METTL15: variants seen among roughly 807,000 people sequenced by gnomAD.
The protein encoded by METTL15 is methyltransferase 15, mitochondrial 12S rRNA N4-cytidine, also known as 12S rRNA N(4)-cytidine methyltransferase METTL15.
METTL15 carries 34 observed loss-of-function variants against 38.3 expected under a neutral mutation model. That is an observed-to-expected ratio of 0.89 (90% CI 0.68 to 1.18). The LOEUF (loss-of-function observed/expected upper bound fraction) is 1.18, where lower values mean the gene tolerates loss of function less well. Ranked by LOEUF, METTL15 falls within the 50% of genes most tolerant of loss-of-function variation. METTL15 has a pLI of 0.00. For missense variants in METTL15, 438 were observed against 498.4 expected (o/e 0.88, Z 1.15); for synonymous variants, 162 against 170.9 (o/e 0.95, Z 0.41).
intron 4 of METTL15, among the ~76,000 whole-genome samples, chr11:28,248,386 A>G (rs1854600797): frequency 6.6e-6 from 1 of 152,074 alleles, no homozygotes; most frequent in Admixed American, 6.6e-5. Context: ...CCATCTGTCT[A>G]CGATCACCAT....
intron 5 of METTL15, among the ~76,000 whole-genome samples, chr11:28,380,404 G>A (rs142913735): frequency 0.016 from 2,481 of 152,074 alleles, 67 homozygotes; most frequent in African/African-American, 0.055. Context: ...TCCTGACCTC[G>A]TGATCTGCCT....
intron 3 of METTL15, among the ~76,000 whole-genome samples, chr11:28,181,373 C>G (rs952659570): frequency 4.7e-5 from 7 of 149,558 alleles, no homozygotes; most frequent in African/African-American, 1.7e-4. Context: ...CCGTCATCTA[C>G]AATAGGTATT....
intron 4 of METTL15, among the ~76,000 whole-genome samples, chr11:28,239,565 G>C (rs1336827824): frequency 6.6e-6 from 1 of 152,134 alleles, no homozygotes; most frequent in African/African-American, 2.4e-5. Flanking sequence ...CCCAGGACAA[G>C]TTATCCTTCT....
intron 4 of METTL15, among the ~76,000 whole-genome samples, chr11:28,358,628 T>A (rs1312894901): frequency 2.0e-5 from 3 of 152,192 alleles, no homozygotes; most frequent in Non-Finnish European, 2.9e-5. Context: ...TTATGTAGTT[T>A]CATTGTAGTA....
intron 3 of METTL15, among the ~76,000 whole-genome samples, chr11:28,170,402 G>A (rs1455680807): frequency 6.6e-6 from 1 of 152,078 alleles, no homozygotes; most frequent in Non-Finnish European, 1.5e-5. Context: ...CCCCAAGAGA[G>A]GGTTCTTGGA....
intron 3 of METTL15, among the ~76,000 whole-genome samples, chr11:28,192,841 A>G (rs1331968993): frequency 6.6e-6 from 1 of 152,064 alleles, no homozygotes; most frequent in Non-Finnish European, 1.5e-5. Flanking sequence ...AGATTGAGAA[A>G]TCCCAGATTA....
chr11:28,122,667 A>C (rs1027103602), intron 3 of METTL15, among the ~76,000 whole-genome samples: 1 of 151,742 alleles, frequency 6.6e-6, no homozygotes, highest in African/African-American at 2.4e-5. Flanking sequence ...TTGAATGTAT[A>C]ACTTTTTTTT....
intron 6 of METTL15, among the ~76,000 whole-genome samples, chr11:28,481,051 A>T (rs536372754): frequency 1.1e-4 from 17 of 152,312 alleles, no homozygotes; most frequent in Admixed American, 2.6e-4. Context: ...TAGAAATGTT[A>T]TGTTTTCATA....
intron 3 of METTL15, among the ~76,000 whole-genome samples, chr11:28,187,062 A>G (rs900750627): frequency 2.2e-4 from 33 of 151,238 alleles, no homozygotes; most frequent in African/African-American, 4.8e-5. Context: ...ACCTTAAACA[A>G]ATCTTTCCTG....
chr11:28,116,774 A>T (rs1851982262), intron 3 of METTL15, among the ~76,000 whole-genome samples: 1 of 152,108 alleles, frequency 6.6e-6, no homozygotes, highest in African/African-American at 2.4e-5. Context: ...TTTTTTTTTA[A>T]ATTTTAATTG....
intron 5 of METTL15, among the ~76,000 whole-genome samples, chr11:28,362,559 C>T (rs1215596873): frequency 6.6e-6 from 1 of 152,150 alleles, no homozygotes; most frequent in Non-Finnish European, 1.5e-5. Context: ...CAATGTTTAG[C>T]TCCCACTTAT....
At chr11:28,180,330 G>A (rs572483079) in intron 3 of METTL15, among the ~76,000 whole-genome samples, 11 of 151,874 alleles carry the variant, frequency 7.2e-5, no homozygotes, top group Middle Eastern at 3.4e-3. Flanking sequence ...GAACAATCCT[G>A]GATTCAGCAG....
chr11:28,231,340 G>C (rs752433003), intron 4 of METTL15, among the ~76,000 whole-genome samples: 2 of 151,768 alleles, frequency 1.3e-5, no homozygotes, highest in Non-Finnish European at 3.0e-5. Context: ...AGAAGGAAGA[G>C]TACTCATTAC....
intron 4 of METTL15, among the ~76,000 whole-genome samples, chr11:28,267,799 T>G (rs1590237818): frequency 6.6e-6 from 1 of 152,356 alleles, no homozygotes; most frequent in East Asian, 1.9e-4. Context: ...GCTCCTTGCC[T>G]TCCTTATACA....
chr11:28,129,295 T>C (rs1340792186), intron 3 of METTL15, among the ~76,000 whole-genome samples: 3 of 152,198 alleles, frequency 2.0e-5, no homozygotes, highest in African/African-American at 7.2e-5. Context: ...ACATTTTATA[T>C]AGTGATTTTG....
At chr11:28,424,672 G>C (rs1850849377) in intron 6 of METTL15, among the ~76,000 whole-genome samples, 1 of 152,094 alleles carries the variant, frequency 6.6e-6, no homozygotes, top group Non-Finnish European at 1.5e-5. Flanking sequence ...GCTTTAAATG[G>C]GCTTGTTTAG....
chr11:28,307,147 A>G (rs899739231), intron 6 of METTL15, among the ~76,000 whole-genome samples: 1 of 151,910 alleles, frequency 6.6e-6, no homozygotes. Context: ...ATTATAAACT[A>G]TAGAATAGAT....
intron 3 of METTL15, among the ~76,000 whole-genome samples, chr11:28,175,510 G>A (rs1022608151): frequency 2.0e-5 from 3 of 152,164 alleles, no homozygotes; most frequent in African/African-American, 7.2e-5. Context: ...CTAGATCCCT[G>A]AGGAATCGCC....
intron 6 of METTL15, among the ~76,000 whole-genome samples, chr11:28,303,717 G>T (rs1856987592): frequency 6.6e-6 from 1 of 152,110 alleles, no homozygotes; most frequent in South Asian, 2.1e-4. Flanking sequence ...TACATTCCCA[G>T]CCAAAGTAAA....
Sources: allele counts gnomAD v4.1 joint callset (sites outside exome capture counted in the v4.1 genomes callset), GRCh38; gene constraint gnomAD v4.1.1; transcripts MANE v1.5; gene names NCBI Gene and HGNC (gene_info 2026-07-23, HGNC 2026-07-21).